The following SIAH3 variants were observed in gnomAD, a reference collection of about 807,000 sequenced individuals.
The protein encoded by SIAH3 is siah E3 ubiquitin protein ligase family member 3.
In SIAH3, 9 loss-of-function variants were observed where a neutral mutation model predicts 12.6. The observed-to-expected ratio is 0.72, with a 90% CI of 0.43 to 1.25. The LOEUF is 1.25. Among genes scored for constraint, SIAH3 ranks in the 50% most tolerant of loss-of-function variants. SIAH3 has a pLI of 0.00. For missense variants in SIAH3, 390 were observed against 365.4 expected, an observed-to-expected ratio of 1.07 and a Z score of -0.55; for synonymous variants, 154 against 151.1, an observed-to-expected ratio of 1.02 and a Z score of -0.14.
chr13:45,796,234 C>T (rs1376839101), intron 1 of SIAH3, among the ~76,000 whole-genome samples: 1 of 147,492 alleles, frequency 6.8e-6, no homozygotes, highest in East Asian at 1.9e-4. Flanking sequence ...GCATGCTATA[C>T]ATCAAAAAAC....
chr13:45,799,189 G>A (rs1161783049), intron 1 of SIAH3, among the ~76,000 whole-genome samples: 1 of 152,210 alleles, frequency 6.6e-6, no homozygotes, highest in East Asian at 1.9e-4. Flanking sequence ...GCATAAAGAG[G>A]CGGATGGGGT....
At chr13:45,836,886 G>A (rs1373259862) in intron 1 of SIAH3, among the ~76,000 whole-genome samples, 1 of 152,210 alleles carries the variant, frequency 6.6e-6, no homozygotes, top group Non-Finnish European at 1.5e-5. Flanking sequence ...TTTGCCAGTG[G>A]TCACTTTGCA....
At position 45,851,495 on chromosome 13, in the gene SIAH3, C is replaced by A; in HGVS notation, c.135G>T (p.Lys45Asn). ...AAGGTAAAATGACACAGAGACTCAC[C>A]TTTAGGTTGTGTGTGGGGTTGACGA... is the stretch of plus-strand genomic sequence containing the variant. Reference protein sequence around the residue: ...VCVVNPTHNLKYVSSRRAVTQ... With the variant: ...VCVVNPTHNLNYVSSRRAVTQ... The change falls in exon 1 of 2, where the codon AAG becomes AAT. Residue 45 changes from lysine to asparagine, a missense_variant and splice_region_variant. Coordinates refer to ENST00000400405, the MANE Select transcript of SIAH3 (RefSeq NM_198849.3). 5 of 1,614,076 alleles carry A rather than the reference C, an allele frequency of 3.1e-6. No homozygotes were observed. The highest frequency in any genetic ancestry group is 4.2e-6 in the Non-Finnish European group (5 of 1,180,024).
intron 1 of SIAH3, among the ~76,000 whole-genome samples, chr13:45,820,374 T>TGGGCTGCGGGCCAG (rs1950651466): frequency 6.6e-6 from 1 of 152,188 alleles, no homozygotes; most frequent in Admixed American, 6.5e-5. Context: ...GAGAAGGGTC[T>TGGGCTGCGGGCCAG]GGGCTGCGGG....
chr13:45,843,100 G>T (rs980008430), intron 1 of SIAH3, among the ~76,000 whole-genome samples: 1 of 150,494 alleles, frequency 6.6e-6, no homozygotes, highest in Non-Finnish European at 1.5e-5. Context: ...CAGGCCTAGG[G>T]CTTAGCTCAT....
At chr13:45,798,499 C>T (rs1950570629) in intron 1 of SIAH3, among the ~76,000 whole-genome samples, 1 of 152,158 alleles carries the variant, frequency 6.6e-6, no homozygotes, top group Non-Finnish European at 1.5e-5. Flanking sequence ...TGTAGGGGAA[C>T]GTTCAGGATG....
chr13:45,802,837 C>T (rs1950586662), intron 1 of SIAH3, among the ~76,000 whole-genome samples: 1 of 152,066 alleles, frequency 6.6e-6, no homozygotes, highest in Non-Finnish European at 1.5e-5. Context: ...TTTGGGAGGC[C>T]AAGGCAGGTG....
intron 1 of SIAH3, among the ~76,000 whole-genome samples, chr13:45,833,874 G>A (rs1227066939): frequency 6.6e-6 from 1 of 152,130 alleles, no homozygotes; most frequent in South Asian, 2.1e-4. Context: ...TCCAGGAAGA[G>A]CTCAGCCAGG....
chr13:45,826,373 A>AGG (rs1477421541), intron 1 of SIAH3, among the ~76,000 whole-genome samples: 16,127 of 26,932 alleles, frequency 0.6, 7,317 homozygotes, highest in Admixed American at 0.81. Flanking sequence ...GGATGGATGG[A>AGG]TGAATGAATG....
At chr13:45,795,983 G>C (rs1365593568) in intron 1 of SIAH3, among the ~76,000 whole-genome samples, 1 of 152,176 alleles carries the variant, frequency 6.6e-6, no homozygotes, top group Admixed American at 6.5e-5. Context: ...AAGAGTACAT[G>C]TTTAAGAATT....
chr13:45,835,877 C>T lies in SIAH3; in HGVS notation c.135+15618G>A, dbSNP rs148736912. Among the ~76,000 whole-genome samples the T allele has an allele frequency of 4.5e-3, 689 of 152,312 alleles. 2 individuals are homozygous for T. Among genetic ancestry groups the T allele is most frequent in the African/African-American group, 0.016 (654 of 41,562 alleles). ...CTGCCTTAGAGCACGCTTTGGGAGA[C>T]GCCTGATTCTTTCCCTGTTCTTCAG... On this transcript the variant is annotated intron_variant, in intron 1 of 1. Transcript: ENST00000400405.
At chr13:45,791,192 C>T (rs879421725) in intron 1 of SIAH3, among the ~76,000 whole-genome samples, 2 of 151,828 alleles carry the variant, frequency 1.3e-5, no homozygotes, top group Non-Finnish European at 2.9e-5. Flanking sequence ...AAAAGAAAAT[C>T]ACTAATTGGT....
intron 1 of SIAH3, among the ~76,000 whole-genome samples, chr13:45,793,681 G>C (rs9534218): frequency 0.53 from 80,865 of 151,970 alleles, 22,852 homozygotes; most frequent in African/African-American, 0.67. Context: ...CAATTCAACC[G>C]CTTCTCTTCA....
At chr13:45,805,788 A>C (rs1202012654) in intron 1 of SIAH3, among the ~76,000 whole-genome samples, 1 of 152,192 alleles carries the variant, frequency 6.6e-6, no homozygotes, top group African/African-American at 2.4e-5. Context: ...GGCTAAACAG[A>C]CAATTTATAG....
chr13:45,832,064 T>G (rs1049387500), intron 1 of SIAH3, among the ~76,000 whole-genome samples: 6 of 151,998 alleles, frequency 3.9e-5, no homozygotes, highest in Non-Finnish European at 7.4e-5. Flanking sequence ...CGGAAGTGCC[T>G]AGGGAGGAGG....
intron 1 of SIAH3, among the ~76,000 whole-genome samples, chr13:45,832,987 G>T (rs1950704981): frequency 6.6e-6 from 1 of 152,192 alleles, no homozygotes; most frequent in African/African-American, 2.4e-5. Flanking sequence ...GTAGTTGAAA[G>T]AATTCGGGAA....
intron 1 of SIAH3, among the ~76,000 whole-genome samples, chr13:45,826,460 AAT>A (rs1950677185): frequency 1.3e-4 from 1 of 7,520 alleles, no homozygotes; most frequent in East Asian, 2.0e-3. Flanking sequence ...TGGATGGATG[AAT>A]GGATGGATGG....
chr13:45,840,673 G>A (rs906384149), intron 1 of SIAH3, among the ~76,000 whole-genome samples: 1 of 152,118 alleles, frequency 6.6e-6, no homozygotes, highest in East Asian at 1.9e-4. Flanking sequence ...ACCCCGAGCC[G>A]GAGCATCTTT....
At position 45,779,816 on chromosome 13, in the gene SIAH3, C is replaced by A. The variant is rs1040883602; in HGVS notation, c.*3567G>T. ...TCTATTCCTAAAATGTCCAGAGTAG[C>A]CACAGCTAGTGATGGGGTTTACCAG... On this transcript the variant is annotated 3_prime_UTR_variant, in exon 2 of 2. Coordinates refer to ENST00000400405, the MANE Select transcript of SIAH3 (RefSeq NM_198849.3). 4 of 152,148 alleles carry A rather than the reference C, an allele frequency of 2.6e-5. No individual in the cohort carries two copies. The highest frequency in any genetic ancestry group is 2.9e-5 in the Non-Finnish European group (2 of 68,046). 9.4% of individuals were successfully genotyped at this position (152,148 alleles called of 1,614,324 possible). A position where few individuals can be genotyped will look rare whatever the true frequency, so the allele number is the denominator to read the frequency against.
Sources: allele counts gnomAD v4.1 joint callset (sites outside exome capture counted in the v4.1 genomes callset), GRCh38; gene constraint gnomAD v4.1.1; transcripts MANE v1.5; gene names NCBI Gene and HGNC (gene_info 2026-07-23, HGNC 2026-07-21).